ATP6V1H: variants seen among roughly 807,000 people sequenced by gnomAD.
The protein encoded by ATP6V1H is ATPase H+ transporting V1 subunit H.
In ATP6V1H, 39 loss-of-function variants were observed where a neutral mutation model predicts 71.7. The ratio of observed to expected loss-of-function variants is 0.54; its 90% CI spans 0.42 to 0.71. The LOEUF (loss-of-function observed/expected upper bound fraction) is 0.71. ATP6V1H is among the 30% of genes least tolerant of loss of function. The pLI, the probability that ATP6V1H is intolerant of heterozygous loss-of-function variation, is 0.00. For missense variants in ATP6V1H, 509 were observed against 594.9 expected (o/e 0.86, Z 1.50); for synonymous variants, 192 against 199.3 (o/e 0.96, Z 0.31).
chr8:53,762,865 C>T (rs1808324155), intron 11 of ATP6V1H, among the ~76,000 whole-genome samples: 1 of 152,158 alleles, frequency 6.6e-6, no homozygotes, highest in African/African-American at 2.4e-5. Context: ...ACCCCTGAAA[C>T]AGCAACATCA....
Position 53,780,986 on chromosome 8 carries a change from A to G in ATP6V1H, c.871-8819T>C, listed in dbSNP as rs545370722. Among the ~76,000 whole-genome samples the G allele has an allele frequency of 2.2e-3, 338 of 151,914 alleles. 1 individual carries two copies. Among genetic ancestry groups the G allele is most frequent in the African/African-American group, 7.9e-3 (327 of 41,472 alleles). The stretch of plus-strand genomic sequence containing the variant: ...TCCAAGTCTTTGCTATTGTGAATAG[A>G]GCTGCAATAAACATACGTGTGCATG... On this transcript the variant is annotated intron_variant, in intron 9 of 13. Transcript: ENST00000359530.
In ATP6V1H at chr8:53,743,689, C is replaced by T. The variant is rs1399303839; in HGVS notation, c.1279G>A (p.Val427Ile). 1 of 1,604,272 alleles carries T rather than the reference C, an allele frequency of 6.2e-7. No individual in the cohort carries two copies. The highest frequency in any genetic ancestry group is 8.5e-7 in the Non-Finnish European group (1 of 1,172,680). ...YVRHYPRGKR[V>I]IEQLGGKQLV... ...TGCTTCCCACCGAGCTGCTCGATGA[C>T]CCTGCAAACGGGAGAGACGTGGTGA... Residue 427 changes from valine to isoleucine, a missense_variant and splice_region_variant, in exon 13 of 14, where the codon GTC becomes ATC. Val to Ile is a conservative substitution (Grantham distance 29). Coordinates refer to ENST00000359530, the MANE Select transcript of ATP6V1H (RefSeq NM_015941.4).
intron 12 of ATP6V1H, 131 bp downstream of exon 12, chr8:53,756,423 AT>A: frequency 3.0e-6 from 2 of 656,324 alleles, no homozygotes; most frequent in Non-Finnish European, 5.1e-6. Flanking sequence ...AATTCTCACT[AT>A]TGTGGCAATC....
rs564568710 is a variant in ATP6V1H, at chr8:53,779,873, T to C, written c.871-7706A>G. ...GAATTAAACTCCATCTTTAAGATAT[T>C]GTCGGCTGGACTTGATGGCTCACAC... On this transcript the variant is annotated intron_variant, in intron 9 of 13. Transcript: ENST00000359530. Among the ~76,000 whole-genome samples, 19 of 152,292 alleles carry C rather than the reference T, an allele frequency of 1.2e-4. No individual in the cohort carries two copies. The South Asian group carries it at 3.7e-3, about 30-fold the overall frequency.
chr8:53,772,640 ACTCCC>A (rs1808707569), intron 9 of ATP6V1H, among the ~76,000 whole-genome samples: 1 of 151,862 alleles, frequency 6.6e-6, no homozygotes, highest in African/African-American at 2.4e-5. Context: ...AATTTTTAAA[ACTCCC>A]TTGTTTGAAC....
At chr8:53,725,520 CA>C (rs1806783092) in intron 13 of ATP6V1H, among the ~76,000 whole-genome samples, 1 of 149,370 alleles carries the variant, frequency 6.7e-6, no homozygotes, top group Non-Finnish European at 1.5e-5. Flanking sequence ...AGTCTTGACT[CA>C]ATTTCCACCT....
chr8:53,834,313 A>C (rs1478524403), intron 2 of ATP6V1H, among the ~76,000 whole-genome samples: 1 of 152,236 alleles, frequency 6.6e-6, no homozygotes, highest in Non-Finnish European at 1.5e-5. Flanking sequence ...AAATGAAAAA[A>C]TATAAGAAAA....
At chr8:53,766,202 T>C in intron 11 of ATP6V1H, among the ~76,000 whole-genome samples, 1 of 152,236 alleles carries the variant, frequency 6.6e-6, no homozygotes, top group Non-Finnish European at 1.5e-5. Flanking sequence ...GAAGATTTTA[T>C]GGACATTTAT....
intron 13 of ATP6V1H, among the ~76,000 whole-genome samples, chr8:53,724,576 C>T (rs1806739435): frequency 7.0e-6 from 1 of 142,634 alleles, no homozygotes; most frequent in African/African-American, 2.6e-5. Flanking sequence ...ACACCCCTCC[C>T]TCCTCCCCCC....
At chr8:53,819,585 T>C (rs189394876) in intron 4 of ATP6V1H, among the ~76,000 whole-genome samples, 4 of 83,568 alleles carry the variant, frequency 4.8e-5, no homozygotes, top group African/African-American at 2.1e-4. Flanking sequence ...TATATATATA[T>C]AAAATACACA....
chr8:53,805,684 C>T (rs894126559), intron 7 of ATP6V1H, among the ~76,000 whole-genome samples: 12 of 152,022 alleles, frequency 7.9e-5, no homozygotes, highest in African/African-American at 2.9e-4. Context: ...TATACATCTG[C>T]CAAAAGATAT....
chr8:53,731,263 C>G (rs1213081311), intron 13 of ATP6V1H, among the ~76,000 whole-genome samples: 1 of 152,170 alleles, frequency 6.6e-6, no homozygotes, highest in Non-Finnish European at 1.5e-5. Flanking sequence ...CCTACATACA[C>G]TTCTGTCACA....
At chr8:53,819,708 AT>A (rs1253504903) in intron 4 of ATP6V1H, among the ~76,000 whole-genome samples, 1 of 136,568 alleles carries the variant, frequency 7.3e-6, no homozygotes, top group Non-Finnish European at 1.5e-5. Flanking sequence ...GTATATACGT[AT>A]ATACATATAC....
chr8:53,808,990 C>G (rs980812104), intron 7 of ATP6V1H, among the ~76,000 whole-genome samples: 8 of 152,088 alleles, frequency 5.3e-5, no homozygotes, highest in African/African-American at 1.9e-4. Flanking sequence ...TTTCTCCACT[C>G]TGAAAAGATA....
chr8:53,817,574 G>C (rs1233738380), intron 4 of ATP6V1H, 44 bp from the exon 5 acceptor site: 1 of 1,292,454 alleles, frequency 7.7e-7, no homozygotes. Flanking sequence ...AACACATTTT[G>C]CTAAAGAATG....
intron 12 of ATP6V1H, among the ~76,000 whole-genome samples, chr8:53,748,317 G>A (rs947734884): frequency 5.3e-5 from 8 of 152,186 alleles, no homozygotes; most frequent in African/African-American, 2.4e-5. Flanking sequence ...AGTATTCAGT[G>A]CTGCTGAAAA....
At chr8:53,731,033 C>T (rs983726688) in intron 13 of ATP6V1H, among the ~76,000 whole-genome samples, 2 of 152,192 alleles carry the variant, frequency 1.3e-5, no homozygotes, top group Non-Finnish European at 2.9e-5. Context: ...TAAGCCTCCA[C>T]GCGACTTCAA....
chr8:53,728,277 G>A (rs535100810), intron 13 of ATP6V1H, among the ~76,000 whole-genome samples: 22 of 152,244 alleles, frequency 1.4e-4, no homozygotes, highest in African/African-American at 4.6e-4. Context: ...GCCTTACAGG[G>A]GCCAAGAGCC....
In ATP6V1H at chr8:53,731,969, G is replaced by A. The variant is rs150965766; in HGVS notation, c.1391+11608C>T. On this transcript the variant is annotated intron_variant, in intron 13 of 13. Coordinates refer to ENST00000359530, the MANE Select transcript of ATP6V1H (RefSeq NM_015941.4). The stretch of plus-strand genomic sequence containing the variant: ...GATCAATGCAGTGGCTGAACACTGC[G>A]AAGGAACTGACGCTTGGAGTTGGAC... 2.2e-3 allele frequency among the ~76,000 whole-genome samples: 330 copies of A among 152,346 alleles called. 1 individual carries two copies. Among genetic ancestry groups the A allele is most frequent in the African/African-American group, 6.3e-3 (260 of 41,592 alleles).
Sources: allele counts gnomAD v4.1 joint callset (sites outside exome capture counted in the v4.1 genomes callset), GRCh38; gene constraint gnomAD v4.1.1; transcripts MANE v1.5; gene names NCBI Gene and HGNC (gene_info 2026-07-23, HGNC 2026-07-21).